The following ABCA2 variants were observed in gnomAD, a reference collection of about 807,000 sequenced individuals.
The protein encoded by ABCA2 is ATP-binding cassette sub-family A member 2.
In ABCA2, 84 loss-of-function variants were observed where a neutral mutation model predicts 262.8. That is an observed-to-expected ratio of 0.32 (90% confidence interval 0.27 to 0.38). The LOEUF is 0.38. Ranked by LOEUF, ABCA2 falls within the 10% of genes least tolerant of loss-of-function variation. The pLI is 1.00. For synonymous variants in ABCA2, 1,696 were observed against 1,502.9 expected (o/e 1.13, Z -2.97); for missense variants, 2,662 against 3,405.9 (o/e 0.78, Z 5.44).
Position 137,011,053 on chromosome 9 carries a change from T to A in ABCA2, c.5976A>T (p.Gly1992=), listed in dbSNP as rs752991558. Residue 1992 remains glycine, a synonymous_variant, in exon 39 of 49, where the codon GGA becomes GGT. Transcript: ENST00000341511. The surrounding 1 kb of genome is among the most constrained non-coding windows in gnomAD (Gnocchi z 8.8). ...CGCCCTCAACCGCCATGGCCACCAG[T>A]CCGCGGGTGACAATGTCCCACTCGA... ...SPFEWDIVTR[G]LVAMAVEGVV... is the part of the protein sequence containing the mutation. 6.2e-7 allele frequency: 1 copy of A among 1,609,704 alleles called. No homozygotes were observed. The highest frequency in any genetic ancestry group is 8.5e-7 in the Non-Finnish European group (1 of 1,178,800).
intron 10 of ABCA2, 53 bp downstream of exon 10, chr9:137,020,283 G>A (rs1430535912): frequency 1.2e-6 from 2 of 1,605,512 alleles, no homozygotes; most frequent in East Asian, 2.2e-5. Context: ...CAGGCCTGCA[G>A]AGACCCCCTC....
At chr9:137,008,073 G>C in intron 48 of ABCA2, 109 bp from the exon 49 acceptor site, 2 of 1,375,498 alleles carry the variant, frequency 1.5e-6, no homozygotes, top group Non-Finnish European at 2.0e-6. Context: ...GGGCCTGGAC[G>C]CAGGGTCTCC....
chr9:137,028,577 C>G (rs1163495695), upstream of ABCA2: 4 of 800,038 alleles, frequency 5.0e-6, no homozygotes, highest in Non-Finnish European at 6.4e-6. This position sits in a 1 kb window ranked among gnomAD's most constrained non-coding sequence, Gnocchi z 6.9. Context: ...GCCCACCGCG[C>G]TGGCGACTCT....
chr9:137,008,648 GA>G (rs1310478660), intron 47 of ABCA2, 26 bp from the exon 48 acceptor site: 1 of 1,586,148 alleles, frequency 6.3e-7, no homozygotes, highest in African/African-American at 1.3e-5. Flanking sequence ...GGCGTGTGGG[GA>G]GGGGGCTGGT....
chr9:137,023,032 G>A lies in ABCA2; in HGVS notation c.184C>T (p.Leu62=). 6.3e-7 allele frequency: 1 copy of A among 1,589,808 alleles called. No homozygotes were observed. Among genetic ancestry groups the A allele is most frequent in the Non-Finnish European group, 8.6e-7 (1 of 1,169,206 alleles). ...KEVSFYTAAP[L]TSAGILPVMQ... is the part of the protein sequence containing the mutation. ...ACAGGCAGGATGCCGGCAGACGTCA[G>A]GGGCGCCGCTGTGTAGAAGGCTGGC... Residue 62 remains leucine (L), a synonymous_variant, in exon 4 of 49, where the codon CTG becomes TTG. Coordinates refer to ENST00000341511, the MANE Select transcript of ABCA2 (RefSeq NM_001606.5).
chr9:137,024,215 A>AG lies in ABCA2; in HGVS notation c.87dup (p.Phe30LeufsTer69), dbSNP rs1439630224. The AG allele has an allele frequency of 6.2e-7, 1 of 1,611,656 alleles. No homozygotes were observed. Among genetic ancestry groups the AG allele is most frequent in the Non-Finnish European group, 8.5e-7 (1 of 1,179,356 alleles). On this transcript the variant is annotated frameshift_variant, in exon 2 of 49. Coordinates refer to ENST00000341511, the MANE Select transcript of ABCA2 (RefSeq NM_001606.5). LOFTEE classifies it high-confidence loss of function. ...ATAAAGAACAGCACCAGGGGGATGA[A>AG]GATCTCGAAGGCCAGGACCCACTGG...
intron 26 of ABCA2, 99 bp downstream of exon 26, chr9:137,014,591 C>T (rs926069475): frequency 3.3e-6 from 5 of 1,512,790 alleles, no homozygotes; most frequent in Non-Finnish European, 3.6e-6. Flanking sequence ...CACCCAGGAC[C>T]AGGGTGGCGC....
Position 137,010,185 on chromosome 9 carries a change from C to G in ABCA2, c.6353+8G>C. 6.3e-7 allele frequency: 1 copy of G among 1,598,950 alleles called. No homozygotes were observed. The highest frequency in any genetic ancestry group is 2.2e-5 in the East Asian group (1 of 44,596). ...GGCGGCCCCGCCCACCCAGGGCTCCCGCCCCACCTGTGTCCATTGACGAAG... is the reference window on the plus strand; with the variant it reads ...GGCGGCCCCGCCCACCCAGGGCTCCGGCCCCACCTGTGTCCATTGACGAAG... On this transcript the variant is annotated splice_region_variant and intron_variant, in intron 41 of 48. Transcript: ENST00000341511.
In ABCA2 at chr9:137,007,503, C is replaced by T. The variant is rs953246313; in HGVS notation, c.*426G>A. The T allele has an allele frequency of 4.3e-5, 9 of 208,276 alleles. No homozygotes were observed. Among genetic ancestry groups the T allele is most frequent in the Non-Finnish European group, 8.0e-5 (8 of 100,444 alleles). The allele number at this position is 208,276 out of a possible 1,614,324, so 12.9% of individuals were successfully genotyped here. A position where few individuals can be genotyped will look rare whatever the true frequency, so the allele number is the denominator to read the frequency against. On this transcript the variant is annotated 3_prime_UTR_variant, in exon 49 of 49. Transcript: ENST00000341511. ...GCCTCTTCTCAAAGCAAAATAAATA[C>T]GGGACTGACCCAGCTCCGCCCACAG...
chr9:137,011,389 A>G lies in ABCA2; in HGVS notation c.5799+18T>C, dbSNP rs766675349. 22 of 1,608,946 alleles carry G rather than the reference A, an allele frequency of 1.4e-5. No individual in the cohort carries two copies. In the Admixed American group the frequency reaches 1.7e-4, roughly 12 times the overall value. On this transcript the variant is annotated intron_variant, in intron 37 of 48. Coordinates refer to ENST00000341511, the MANE Select transcript of ABCA2 (RefSeq NM_001606.5). The surrounding 1 kb of genome is among the most constrained non-coding windows in gnomAD (Gnocchi z 8.8). Reference sequence around the variant, plus strand: ...CTCCGCAGGGTCCGCCACCCCCACCATGTCGTCACCGCCCCACCTTGTCGT... The same window carrying G: ...CTCCGCAGGGTCCGCCACCCCCACCGTGTCGTCACCGCCCCACCTTGTCGT...
Position 137,009,365 on chromosome 9 carries a change from C to T in ABCA2, c.6827+5G>A. Reference sequence around the variant, plus strand: ...CAGCCCACCCCTGGCCCTGCCCCGGCTCACCGGTTCTTCAGGTGCTGGATG... The same window carrying T: ...CAGCCCACCCCTGGCCCTGCCCCGGTTCACCGGTTCTTCAGGTGCTGGATG... On this transcript the variant is annotated splice_donor_5th_base_variant and intron_variant, in intron 45 of 48. Transcript: ENST00000341511. 1 of 1,586,638 alleles carries T rather than the reference C, an allele frequency of 6.3e-7. No homozygotes were observed. The highest frequency in any genetic ancestry group is 8.5e-7 in the Non-Finnish European group (1 of 1,173,490).
chr9:137,018,056 G>A lies in ABCA2; in HGVS notation c.2013C>T (p.Ile671=), dbSNP rs1423801400. ...CATCGTGCCCCACAAAAGTGTCGAT[G>A]ATGGCGCGCTCCATCATGTCTGTGG... ...VWIQDMMERA[I]IDTFVGHDVV... The change falls in exon 15 of 49, where the codon ATC becomes ATT. Residue 671 remains isoleucine, a synonymous_variant. Coordinates refer to ENST00000341511, the MANE Select transcript of ABCA2 (RefSeq NM_001606.5). 6 of 1,612,612 alleles carry A rather than the reference G, an allele frequency of 3.7e-6. No homozygotes were observed. Among genetic ancestry groups the A allele is most frequent in the Non-Finnish European group, 4.2e-6 (5 of 1,179,932 alleles).
At position 137,014,766 on chromosome 9, in the gene ABCA2, C is replaced by A; in HGVS notation, c.3927G>T (p.Gly1309=). 6.2e-7 allele frequency: 1 copy of A among 1,600,216 alleles called. No individual in the cohort carries two copies. The highest frequency in any genetic ancestry group is 8.5e-7 in the Non-Finnish European group (1 of 1,174,682). ...CTTCCTCCAGGGTCGTGTCCATCAG[C>A]CCGAAGCTGCTGAGGTGCAGTGCAT... The part of the protein sequence containing the change: ...SLDALHLSSF[G]LMDTTLEEVF... The change falls in exon 26 of 49, where the codon GGG becomes GGT. Residue 1309 remains glycine, a synonymous_variant. Transcript: ENST00000341511.
rs1831384604 is a variant in ABCA2, at chr9:137,019,622, A to G, written c.1426-316T>C. On this transcript the variant is annotated intron_variant, in intron 10 of 48. Coordinates refer to ENST00000341511, the MANE Select transcript of ABCA2 (RefSeq NM_001606.5). This position sits in a 1 kb window ranked among gnomAD's most constrained non-coding sequence, Gnocchi z 4.4. ...TTTTTGGTAGAGACGGGCTTCCGCTATGTTGCTCGGGCTTGTCTCAAACTC... is the reference window on the plus strand; with the variant it reads ...TTTTTGGTAGAGACGGGCTTCCGCTGTGTTGCTCGGGCTTGTCTCAAACTC... 3.3e-6 allele frequency: 1 copy of G among 304,484 alleles called. No homozygotes were observed. The highest frequency in any genetic ancestry group is 6.2e-6 in the Non-Finnish European group (1 of 160,186). 18.9% of individuals were successfully genotyped at this position (304,484 alleles called of 1,614,324 possible).
chr9:137,011,193 G>A lies in ABCA2; in HGVS notation c.5916C>T (p.Ala1972=). The change falls in exon 38 of 49, where the codon GCC becomes GCT. Residue 1972 remains alanine, a synonymous_variant. Coordinates refer to ENST00000341511, the MANE Select transcript of ABCA2 (RefSeq NM_001606.5). This position sits in a 1 kb window ranked among gnomAD's most constrained non-coding sequence, Gnocchi z 8.8. ...CCCCACGGGCCCCCTCACCAATCTT[G>A]GCGTAGTACTCGTTGATGTACTCGT... is the stretch of plus-strand genomic sequence containing the variant. The part of the protein sequence containing the change: ...AYNEYINEYY[A]KIGQFDKMKS... The A allele has an allele frequency of 6.2e-7, 1 of 1,612,464 alleles. No individual in the cohort carries two copies. Among genetic ancestry groups the A allele is most frequent in the Non-Finnish European group, 8.5e-7 (1 of 1,179,838 alleles).
rs778927183 is a variant in ABCA2 at position 137,015,716 on chromosome 9, G to A, written c.3473C>T (p.Ala1158Val). 2.5e-5 allele frequency: 40 copies of A among 1,611,214 alleles called. No homozygotes were observed. The highest frequency in any genetic ancestry group is 6.7e-5 in the African/African-American group (5 of 75,022). The change falls in exon 23 of 49, where the codon GCG (alanine) becomes GTG (valine). Residue 1158 changes from alanine (A) to valine (V), a missense_variant. Physicochemically the swap from Ala to Val is moderately conservative, Grantham distance 64. Transcript: ENST00000341511. ...GATGAGGTCCCAGATGGCGCGGCGC[G>A]CGTAGGGGTCCACGCCCGCCGTGGG... ...DEPTAGVDPY[A>V]RRAIWDLILK... is the part of the protein sequence containing the mutation.
intron 1 of ABCA2, among the ~76,000 whole-genome samples, chr9:137,025,483 C>T (rs748165751): frequency 6.6e-6 from 1 of 152,218 alleles, no homozygotes; most frequent in African/African-American, 2.4e-5. Flanking sequence ...CGGGCCGAGT[C>T]CCCGGTCCCT....
chr9:137,014,326 G>C lies in ABCA2; in HGVS notation c.4082C>G (p.Ala1361Gly), dbSNP rs1417453455. Residue 1361 changes from alanine to glycine, a missense_variant, in exon 27 of 49, where the codon GCC becomes GGC. Transcript: ENST00000341511. The stretch of plus-strand genomic sequence containing the variant: ...CGACTGGGTCAGCTCCGAGCACCGG[G>C]CCAGATTGCCAGCGTGACCCTCCCC... ...ASGEGHAGNL[A>G]RCSELTQSQA... 1 of 1,608,630 alleles carries C rather than the reference G, an allele frequency of 6.2e-7. No individual in the cohort carries two copies. The highest frequency in any genetic ancestry group is 1.1e-5 in the South Asian group (1 of 90,282).
At chr9:137,020,521 C>A in intron 9 of ABCA2, 26 bp from the exon 10 acceptor site, 1 of 1,565,396 alleles carries the variant, frequency 6.4e-7, no homozygotes, top group Non-Finnish European at 8.6e-7. Context: ...GGGGGCCGGG[C>A]CAGGCCGTTA....
Sources: allele counts gnomAD v4.1 joint callset (sites outside exome capture counted in the v4.1 genomes callset), GRCh38; gene constraint gnomAD v4.1.1; non-coding constraint Gnocchi (gnomAD v3.1); transcripts MANE v1.5; gene names NCBI Gene and HGNC (gene_info 2026-07-23, HGNC 2026-07-21).